The following FARP2 variants were observed in gnomAD, a reference collection of about 807,000 sequenced individuals.
FARP2 encodes the protein FERM, ARHGEF and pleckstrin domain-containing protein 2.
FARP2 carries 111 observed loss-of-function variants against 130.5 expected under a neutral mutation model. That is an observed-to-expected ratio of 0.85 (90% CI 0.73 to 1.00). FARP2 has a LOEUF of 1.00. Ranked by LOEUF, FARP2 falls within the 50% of genes least tolerant of loss-of-function variation. FARP2 has a pLI of 0.00. For synonymous variants in FARP2, 504 were observed against 516.9 expected (o/e 0.98, Z 0.34); for missense variants, 1,385 against 1,346.3 (o/e 1.03, Z -0.45).
At chr2:241,465,906 G>C in intron 17 of FARP2, 1 of 1,436,374 alleles carries the variant, frequency 7.0e-7, no homozygotes, top group South Asian at 1.5e-5. Context: ...ACTGCATTCA[G>C]CCTAGGTGCC....
At chr2:241,476,732 C>T (rs901822181) in intron 19 of FARP2, among the ~76,000 whole-genome samples, 10 of 152,060 alleles carry the variant, frequency 6.6e-5, no homozygotes, top group Non-Finnish European at 1.3e-4. Context: ...TACATATATA[C>T]ATACATACAC....
chr2:241,437,670 A>ATTTTTTTTTTTT (rs763025047), intron 12 of FARP2, among the ~76,000 whole-genome samples: 36 of 133,108 alleles, frequency 2.7e-4, no homozygotes, highest in East Asian at 1.1e-3. Flanking sequence ...TTATTTATTT[A>ATTTTTTTTTTTT]TTTTTTTTTT....
At chr2:241,417,325 C>T (rs2062699147) in intron 7 of FARP2, among the ~76,000 whole-genome samples, 1 of 151,732 alleles carries the variant, frequency 6.6e-6, no homozygotes, top group Admixed American at 6.6e-5. Flanking sequence ...AAAAGAAATA[C>T]CATAGATAAC....
At chr2:241,378,401 C>T (rs2061587274) in intron 2 of FARP2, among the ~76,000 whole-genome samples, 2 of 130,972 alleles carry the variant, frequency 1.5e-5, no homozygotes, top group South Asian at 4.9e-4. Flanking sequence ...AGGTGCCAGC[C>T]ACCATGCCTG....
rs142736603 is a variant in FARP2, at chr2:241,364,619, A to G, written c.-25+8231A>G. On this transcript the variant is annotated intron_variant, in intron 1 of 26. Coordinates refer to ENST00000264042, the MANE Select transcript of FARP2 (RefSeq NM_014808.4). Reference sequence around the variant, plus strand: ...AGCTACTCTTGAAACAGATGGAAATATAGAAAGTCTTGGCAAGAAAACAGA... The same window carrying G: ...AGCTACTCTTGAAACAGATGGAAATGTAGAAAGTCTTGGCAAGAAAACAGA... Among the ~76,000 whole-genome samples the G allele has an allele frequency of 1.2e-3, 179 of 152,362 alleles. 1 individual carries two copies. Among genetic ancestry groups the G allele is most frequent in the African/African-American group, 3.9e-3 (162 of 41,584 alleles).
chr2:241,411,205 G>T lies in FARP2; in HGVS notation c.508+75G>T. The T allele has an allele frequency of 3.0e-6, 3 of 1,003,396 alleles. No individual in the cohort carries two copies. The South Asian group carries it at 4.1e-5, about 14-fold the overall frequency. The allele number at this position is 1,003,396 out of a possible 1,614,324, so 62.2% of individuals were successfully genotyped here. On this transcript the variant is annotated intron_variant, in intron 6 of 26. Coordinates refer to ENST00000264042, the MANE Select transcript of FARP2 (RefSeq NM_014808.4). Reference sequence around the variant, plus strand: ...ATACCCGCACTCAGAACTACAATTAGTTGCTGATGTATTTGCCTAGTTAGT... The same window carrying T: ...ATACCCGCACTCAGAACTACAATTATTTGCTGATGTATTTGCCTAGTTAGT...
At chr2:241,473,765 G>A (rs1467558546) in intron 18 of FARP2, among the ~76,000 whole-genome samples, 3 of 152,228 alleles carry the variant, frequency 2.0e-5, no homozygotes, top group Non-Finnish European at 4.4e-5. Context: ...TGGCCAGCCT[G>A]GGAGAGCCAG....
In FARP2 at chr2:241,459,139, G is replaced by A. The variant is rs756103591; in HGVS notation, c.1587+2217G>A. Among the ~76,000 whole-genome samples, 2 of 152,222 alleles carry A rather than the reference G, an allele frequency of 1.3e-5. No individual in the cohort carries two copies. The highest frequency in any genetic ancestry group is 2.1e-4 in the South Asian group (1 of 4,830). On this transcript the variant is annotated intron_variant, in intron 14 of 26. Transcript: ENST00000264042. The surrounding 1 kb of genome is among the most constrained non-coding windows in gnomAD (Gnocchi z 5.3). Reference sequence around the variant, plus strand: ...CTGTTGCCCAGCACAGGTGGGCTCCGAGATGGCAAGGATGGCCCTTTCATC... The same window carrying A: ...CTGTTGCCCAGCACAGGTGGGCTCCAAGATGGCAAGGATGGCCCTTTCATC...
intron 20 of FARP2, chr2:241,483,817 A>G (rs938646501): frequency 6.0e-5 from 59 of 985,334 alleles, no homozygotes; most frequent in Non-Finnish European, 6.9e-5. Context: ...AAGATTGTAA[A>G]GTCCACATAC....
At chr2:241,429,744 T>C (rs945317042) in intron 8 of FARP2, among the ~76,000 whole-genome samples, 6 of 152,152 alleles carry the variant, frequency 3.9e-5, no homozygotes, top group African/African-American at 1.4e-4. Flanking sequence ...GGCCTTTACC[T>C]GAGATGCCCA....
At chr2:241,421,209 A>C (rs1245132158) in intron 8 of FARP2, among the ~76,000 whole-genome samples, 1 of 152,150 alleles carries the variant, frequency 6.6e-6, no homozygotes, top group Non-Finnish European at 1.5e-5. Context: ...TGCCACTAGG[A>C]CCTTGGGTCC....
At chr2:241,449,270 G>A (rs62190373) in intron 13 of FARP2, among the ~76,000 whole-genome samples, 16,765 of 151,536 alleles carry the variant, frequency 0.11, 1,191 homozygotes, top group Non-Finnish European at 0.15. Flanking sequence ...AGACCTGCCT[G>A]GGCAATATAG....
chr2:241,437,666 A>AT lies in FARP2; in HGVS notation c.1158+1131dup, dbSNP rs1243876155. Among the ~76,000 whole-genome samples, 983 of 129,202 alleles carry AT rather than the reference A, an allele frequency of 7.6e-3. 31 individuals carry two copies. The East Asian group carries it at 0.11, about 14-fold the overall frequency. The allele number at this position is 129,202 out of a possible 152,430, so 84.8% of individuals were successfully genotyped here. On this transcript the variant is annotated intron_variant, in intron 12 of 26. Transcript: ENST00000264042. ...TATATATATATTTATTTATTTATTT[A>AT]TTTATTTTTTTTTTTTGAGACGGAG... is the stretch of plus-strand genomic sequence containing the variant.
intron 2 of FARP2, among the ~76,000 whole-genome samples, chr2:241,398,110 C>T (rs1046405712): frequency 1.3e-5 from 2 of 152,074 alleles, no homozygotes; most frequent in Admixed American, 6.5e-5. Flanking sequence ...GGATTACAGG[C>T]GTGAGCCACC....
intron 14 of FARP2, 37 bp downstream of exon 14, chr2:241,456,959 G>T: frequency 6.5e-7 from 1 of 1,527,690 alleles, no homozygotes; most frequent in Non-Finnish European, 8.8e-7. Context: ...GCAGAGGGTT[G>T]CAGGGTGGGC....
At chr2:241,427,350 G>A (rs897997803) in intron 8 of FARP2, among the ~76,000 whole-genome samples, 2 of 152,156 alleles carry the variant, frequency 1.3e-5, no homozygotes, top group Non-Finnish European at 2.9e-5. Context: ...AAGTAATCTA[G>A]AAATGATTTT....
chr2:241,363,572 C>T lies in FARP2; in HGVS notation c.-25+7184C>T, dbSNP rs571421181. ...TAGGCTCAACACTGAGCTATGCACG[C>T]GTGATGTGAGCCAGAACAGGTTGCC... On this transcript the variant is annotated intron_variant, in intron 1 of 26. Coordinates refer to ENST00000264042, the MANE Select transcript of FARP2 (RefSeq NM_014808.4). 5.9e-5 allele frequency among the ~76,000 whole-genome samples: 9 copies of T among 152,302 alleles called. No homozygotes were observed. In the South Asian group the frequency reaches 6.2e-4, roughly 11 times the overall value.
chr2:241,391,453 G>A (rs2061901946), intron 2 of FARP2, among the ~76,000 whole-genome samples: 1 of 152,224 alleles, frequency 6.6e-6, no homozygotes, highest in East Asian at 1.9e-4. Flanking sequence ...AGTAATGGGC[G>A]AGTGTTCTAC....
chr2:241,471,881 ATC>A, intron 18 of FARP2, among the ~76,000 whole-genome samples: 1 of 151,682 alleles, frequency 6.6e-6, no homozygotes, highest in Non-Finnish European at 1.5e-5. Context: ...TTCTGTCAGG[ATC>A]CTGTTCTGAG....
Sources: allele counts gnomAD v4.1 joint callset (sites outside exome capture counted in the v4.1 genomes callset), GRCh38; gene constraint gnomAD v4.1.1; non-coding constraint Gnocchi (gnomAD v3.1); transcripts MANE v1.5; gene names NCBI Gene and HGNC (gene_info 2026-07-23, HGNC 2026-07-21).